ROBO2: variants seen among roughly 807,000 people sequenced by gnomAD.
ROBO2 encodes the protein roundabout guidance receptor 2.
ROBO2 carries 53 observed loss-of-function variants against 160.8 expected under a neutral mutation model. The observed-to-expected ratio is 0.33, with a 90% CI of 0.26 to 0.41. The LOEUF is 0.41. ROBO2 is among the 10% of genes least tolerant of loss of function. The pLI, the probability that ROBO2 is intolerant of heterozygous loss-of-function variation, is 1.00. For synonymous variants in ROBO2, 664 were observed against 611.7 expected (o/e 1.09, Z -1.26); for missense variants, 1,577 against 1,722.4 (o/e 0.92, Z 1.49).
rs1356082309 is a variant in ROBO2, at chr3:77,518,150, T to C, written c.807-4625T>C. ...AGAAAAGTTATCATATGTTATCATA[T>C]ATAGAAGATCTTCTAATAGAGATGT... On this transcript the variant is annotated intron_variant, in intron 5 of 25. Coordinates refer to ENST00000461745, the Ensembl canonical transcript of ROBO2. Among the ~76,000 whole-genome samples, 9 of 151,606 alleles carry C rather than the reference T, an allele frequency of 5.9e-5. No individual in the cohort carries two copies. In the East Asian group the frequency reaches 1.8e-3, roughly 30 times the overall value.
intron 2 of ROBO2, among the ~76,000 whole-genome samples, chr3:76,319,547 G>A (rs966321565): frequency 1.3e-5 from 2 of 151,822 alleles, no homozygotes; most frequent in Non-Finnish European, 2.9e-5. Context: ...GTTGCACTTG[G>A]TTCTATTTTT....
intron 2 of ROBO2, among the ~76,000 whole-genome samples, chr3:77,416,562 C>T (rs1379047840): frequency 6.6e-6 from 1 of 151,614 alleles, no homozygotes; most frequent in Admixed American, 6.6e-5. Flanking sequence ...ACTAAAAATA[C>T]AAAAATCAGC....
At chr3:76,402,667 AC>A (rs1485955527) in intron 2 of ROBO2, among the ~76,000 whole-genome samples, 3 of 151,506 alleles carry the variant, frequency 2.0e-5, no homozygotes, top group African/African-American at 7.3e-5. Flanking sequence ...CCACTTTCTA[AC>A]TGGCTGCAAA....
chr3:76,587,187 G>T (rs888786236), intron 2 of ROBO2, among the ~76,000 whole-genome samples: 10 of 152,106 alleles, frequency 6.6e-5, no homozygotes, highest in Non-Finnish European at 1.0e-4. Flanking sequence ...ATAACTGTGT[G>T]AAACCATATT....
At chr3:75,961,759 A>T (rs1431870199) in intron 2 of ROBO2, among the ~76,000 whole-genome samples, 1 of 151,682 alleles carries the variant, frequency 6.6e-6, no homozygotes, top group African/African-American at 2.4e-5. Flanking sequence ...GTATTAAAAT[A>T]TTGAGAAAGA....
At chr3:76,142,629 A>G (rs1035167791) in intron 2 of ROBO2, among the ~76,000 whole-genome samples, 1 of 151,926 alleles carries the variant, frequency 6.6e-6, no homozygotes, top group Non-Finnish European at 1.5e-5. Context: ...AAACTTATGG[A>G]CATAGAGAGT....
chr3:76,445,772 G>A (rs2077151300), intron 2 of ROBO2, among the ~76,000 whole-genome samples: 1 of 152,092 alleles, frequency 6.6e-6, no homozygotes, highest in Non-Finnish European at 1.5e-5. Context: ...CATATAAACA[G>A]AACCAAAGAC....
At chr3:76,877,651 C>G (rs1381785381) in intron 2 of ROBO2, among the ~76,000 whole-genome samples, 2 of 152,138 alleles carry the variant, frequency 1.3e-5, no homozygotes, top group Non-Finnish European at 1.5e-5. Context: ...AACCTGCTGT[C>G]TTATAAATAA....
At chr3:76,905,436 A>T (rs986334224) in intron 2 of ROBO2, among the ~76,000 whole-genome samples, 3 of 152,208 alleles carry the variant, frequency 2.0e-5, no homozygotes, top group Non-Finnish European at 4.4e-5. Flanking sequence ...TATATTTTTA[A>T]CATTTACATT....
intron 2 of ROBO2, among the ~76,000 whole-genome samples, chr3:76,174,167 A>G (rs1008105677): frequency 5.3e-5 from 8 of 152,118 alleles, no homozygotes; most frequent in Non-Finnish European, 1.2e-4. Context: ...TCTTCTTTTG[A>G]GAAGTTTCTG....
At chr3:77,198,166 A>C (rs2082482087) in intron 2 of ROBO2, among the ~76,000 whole-genome samples, 1 of 152,216 alleles carries the variant, frequency 6.6e-6, no homozygotes, top group Non-Finnish European at 1.5e-5. Context: ...ACCCATAAGC[A>C]TAAAGAAATT....
intron 2 of ROBO2, among the ~76,000 whole-genome samples, chr3:76,010,970 A>G (rs1285120669): frequency 6.6e-6 from 1 of 152,122 alleles, no homozygotes; most frequent in Non-Finnish European, 1.5e-5. Context: ...AAAAGAGAAG[A>G]CCCCCAGAGC....
chr3:76,555,404 AGAAGAAGAAGAAGAAAGAAGG>A (rs1361774696), intron 2 of ROBO2, among the ~76,000 whole-genome samples: 5 of 73,122 alleles, frequency 6.8e-5, no homozygotes, highest in Non-Finnish European at 1.6e-4. Context: ...AAGAAGAAGA[AGAAGAAGAAGAAGAAAGAAGG>A]AGAAGGGGAA....
At chr3:76,020,929 A>G (rs989611620) in intron 2 of ROBO2, among the ~76,000 whole-genome samples, 5 of 151,848 alleles carry the variant, frequency 3.3e-5, no homozygotes, top group Non-Finnish European at 5.9e-5. Flanking sequence ...AATATGTGAG[A>G]GGAGTACAAA....
At chr3:75,960,730 A>G (rs1301128650) in intron 2 of ROBO2, among the ~76,000 whole-genome samples, 2 of 151,906 alleles carry the variant, frequency 1.3e-5, no homozygotes, top group African/African-American at 4.8e-5. Flanking sequence ...AGTAAACTAT[A>G]TTTTTAAATT....
Position 77,635,319 on chromosome 3 carries a change from T to C in ROBO2, c.3934+276T>C, listed in dbSNP as rs188347912. On this transcript the variant is annotated intron_variant, in intron 24 of 25. Transcript: ENST00000461745. ...TCTGGCATATTTCATAAATGCTTTT[T>C]AGTGAGCATTTAAGAGTAGGGAAGA... Among the ~76,000 whole-genome samples the C allele has an allele frequency of 2.7e-4, 41 of 152,324 alleles. 1 individual carries two copies. The highest frequency in any genetic ancestry group is 3.4e-3 in the Middle Eastern group (1 of 294).
chr3:76,452,078 T>G (rs1409134335), intron 2 of ROBO2, among the ~76,000 whole-genome samples: 1 of 152,176 alleles, frequency 6.6e-6, no homozygotes, highest in East Asian at 1.9e-4. Context: ...TTCTAAATAT[T>G]CCTTCAACCC....
intron 1 of ROBO2, among the ~76,000 whole-genome samples, chr3:75,929,731 G>T (rs1320154906): frequency 6.6e-6 from 1 of 151,342 alleles, no homozygotes; most frequent in African/African-American, 2.4e-5. Flanking sequence ...GTCTTGCTCT[G>T]TCACCCAGGC....
chr3:77,134,982 T>C (rs2076160221), intron 2 of ROBO2, among the ~76,000 whole-genome samples: 1 of 152,198 alleles, frequency 6.6e-6, no homozygotes, highest in South Asian at 2.1e-4. Flanking sequence ...TCCATCTGTT[T>C]GCAGGACGGC....
Sources: gnomAD v4.1 joint callset for allele counts (sites outside exome capture counted in the v4.1 genomes callset) on GRCh38, gnomAD v4.1.1 for gene constraint, MANE v1.5 for transcripts, NCBI Gene and HGNC (gene_info 2026-07-23, HGNC 2026-07-21) for gene names.